The following TCF4 variants were observed in gnomAD, a reference collection of about 807,000 sequenced individuals.
TCF4 encodes the protein transcription factor 4, also known as SL3-3 enhancer factor 2.
Under a neutral mutation model 82.1 loss-of-function variants are expected in TCF4, and 3 were observed. The ratio of observed to expected loss-of-function variants is 0.04; its 90% CI spans 0.02 to 0.09. The LOEUF is 0.09. Among genes scored for constraint, TCF4 ranks in the 10% least tolerant of loss-of-function variants. The pLI is 1.00. For synonymous variants in TCF4, 276 were observed against 309.6 expected (o/e 0.89, Z 1.14); for missense variants, 518 against 852.7 (o/e 0.61, Z 4.89).
chr18:55,414,061 G>A (rs2094445879), intron 5 of TCF4, among the ~76,000 whole-genome samples: 3 of 152,144 alleles, frequency 2.0e-5, no homozygotes, highest in African/African-American at 7.2e-5. Flanking sequence ...ACCCAGAGAA[G>A]CACCAAGAAA....
intron 8 of TCF4, among the ~76,000 whole-genome samples, chr18:55,305,443 T>C (rs1045395844): frequency 6.6e-6 from 1 of 152,174 alleles, no homozygotes; most frequent in African/African-American, 2.4e-5. Context: ...AAGAAATCAC[T>C]ATGAACTAAG....
At chr18:55,417,526 G>T (rs1429629180) in intron 5 of TCF4, among the ~76,000 whole-genome samples, 1 of 152,086 alleles carries the variant, frequency 6.6e-6, no homozygotes, top group Non-Finnish European at 1.5e-5. Context: ...TTTCTTCTGT[G>T]GTTTACTTAT....
rs1164050273 is a variant in TCF4 at position 55,226,877 on chromosome 18, T to C, written c.*1158A>G. On this transcript the variant is annotated 3_prime_UTR_variant, in exon 20 of 20. Transcript: ENST00000354452. ...TCGGCTACACAGGTAGGTAACACTT[T>C]AATCATTTTGTTAAATCACAGCCAC... is the stretch of plus-strand genomic sequence containing the variant. 1 of 152,650 alleles carries C rather than the reference T, an allele frequency of 6.6e-6. No homozygotes were observed. The highest frequency in any genetic ancestry group is 6.5e-5 in the Admixed American group (1 of 15,284). The allele number at this position is 152,650 out of a possible 1,614,324, so 9.5% of individuals were successfully genotyped here. A position where few individuals can be genotyped will look rare whatever the true frequency, so the allele number is the denominator to read the frequency against.
chr18:55,486,678 C>T (rs549633611), intron 3 of TCF4, among the ~76,000 whole-genome samples: 1 of 152,114 alleles, frequency 6.6e-6, no homozygotes, highest in African/African-American at 2.4e-5. Context: ...CAAGGTGTGG[C>T]CAGAGAACAG....
intron 3 of TCF4, among the ~76,000 whole-genome samples, chr18:55,574,926 T>A (rs1439699112): frequency 6.6e-6 from 1 of 152,160 alleles, no homozygotes; most frequent in Non-Finnish European, 1.5e-5. Flanking sequence ...GAAAAAATAA[T>A]AAGAACATGG....
At chr18:55,381,925 T>TAAA (rs556808034) in intron 6 of TCF4, among the ~76,000 whole-genome samples, 9,377 of 150,712 alleles carry the variant, frequency 0.062, 549 homozygotes, top group African/African-American at 0.15. Context: ...TTTTTTTTTT[T>TAAA]AAAAAAGGAA....
intron 17 of TCF4, chr18:55,230,894 G>A (rs958912862): frequency 1.3e-5 from 2 of 152,220 alleles, no homozygotes; most frequent in Non-Finnish European, 2.9e-5. Flanking sequence ...CGTAAGTCAA[G>A]AACACTTGGG....
At position 55,224,619 on chromosome 18, in the gene TCF4, C is replaced by T. The variant is rs539172065; in HGVS notation, c.*3416G>A. 2.0e-5 allele frequency: 3 copies of T among 151,972 alleles called. No homozygotes were observed. The South Asian group carries it at 6.2e-4, about 32-fold the overall frequency. The allele number at this position is 151,972 out of a possible 1,614,324, so 9.4% of individuals were successfully genotyped here. A position where few individuals can be genotyped will look rare whatever the true frequency, so the allele number is the denominator to read the frequency against. Reference sequence around the variant, plus strand: ...CCCTCCCCACTCCCCAACCCCTCATCAAAATCAAGATCACAAATAAAAAAA... The same window carrying T: ...CCCTCCCCACTCCCCAACCCCTCATTAAAATCAAGATCACAAATAAAAAAA... On this transcript the variant is annotated 3_prime_UTR_variant, in exon 20 of 20. Transcript: ENST00000354452.
intron 15 of TCF4, among the ~76,000 whole-genome samples, chr18:55,249,132 T>C (rs1445213210): frequency 2.0e-5 from 3 of 152,114 alleles, no homozygotes; most frequent in African/African-American, 4.8e-5. Context: ...AGAAGGGCAA[T>C]GGGCTGATTT....
At chr18:55,313,505 A>C (rs938943086) in intron 8 of TCF4, among the ~76,000 whole-genome samples, 1 of 152,144 alleles carries the variant, frequency 6.6e-6, no homozygotes, top group Non-Finnish European at 1.5e-5. Flanking sequence ...TCCAAATTTA[A>C]TGTCATTACG....
At chr18:55,285,906 G>C (rs1214915587) in intron 8 of TCF4, among the ~76,000 whole-genome samples, 2 of 152,170 alleles carry the variant, frequency 1.3e-5, no homozygotes, top group African/African-American at 4.8e-5. Flanking sequence ...ATGAATGGCA[G>C]GATACTGGTA....
intron 2 of TCF4, among the ~76,000 whole-genome samples, chr18:55,612,300 G>T (rs147040281): frequency 1.1e-3 from 161 of 152,148 alleles, no homozygotes; most frequent in African/African-American, 2.9e-3. Flanking sequence ...CGGGATATGA[G>T]GGGGGAGAGT....
rs907674689 is a variant in TCF4 at position 55,353,179 on chromosome 18, A to G, written c.370-2176T>C. On this transcript the variant is annotated intron_variant, in intron 6 of 19. Transcript: ENST00000354452. The stretch of plus-strand genomic sequence containing the variant: ...TTAAATGCATTCAAGGGGTCAACCT[A>G]AAAACACACACTTGCTATACTGTCT... 4.1e-4 allele frequency among the ~76,000 whole-genome samples: 62 copies of G among 152,202 alleles called. 1 individual carries two copies. Among genetic ancestry groups the G allele is most frequent in the Non-Finnish European group, 7.4e-5 (5 of 68,022 alleles).
intron 8 of TCF4, among the ~76,000 whole-genome samples, chr18:55,288,356 T>C (rs1233222080): frequency 6.6e-6 from 1 of 152,214 alleles, no homozygotes; most frequent in Non-Finnish European, 1.5e-5. Context: ...TTTGCTTACA[T>C]ACTAATCCTA....
At chr18:55,302,692 C>G (rs2068710050) in intron 8 of TCF4, 2 of 1,329,816 alleles carry the variant, frequency 1.5e-6, no homozygotes, top group Admixed American at 2.4e-5. Flanking sequence ...AGGATGAGAC[C>G]GGGAGGAGGG....
At chr18:55,257,969 A>C (rs939611824) in intron 13 of TCF4, among the ~76,000 whole-genome samples, 1 of 152,216 alleles carries the variant, frequency 6.6e-6, no homozygotes, top group African/African-American at 2.4e-5. Context: ...TTAAACTTGA[A>C]GGTAAAAAAA....
intron 5 of TCF4, among the ~76,000 whole-genome samples, chr18:55,409,773 T>C (rs1189629123): frequency 6.6e-6 from 1 of 152,234 alleles, no homozygotes; most frequent in African/African-American, 2.4e-5. Context: ...TTGGCTTATA[T>C]GTCTTACGGT....
chr18:55,310,598 C>T (rs1363618446), intron 8 of TCF4, among the ~76,000 whole-genome samples: 8 of 152,180 alleles, frequency 5.3e-5, no homozygotes, highest in Admixed American at 4.6e-4. Flanking sequence ...AGGAGAAGCG[C>T]AGCAGTGGCA....
At position 55,224,660 on chromosome 18, in the gene TCF4, G is replaced by A. The variant is rs2046357470; in HGVS notation, c.*3375C>T. The A allele has an allele frequency of 2.0e-5, 3 of 152,426 alleles. No homozygotes were observed. The South Asian group carries it at 6.2e-4, about 32-fold the overall frequency. 9.4% of individuals were successfully genotyped at this position (152,426 alleles called of 1,614,324 possible). A position where few individuals can be genotyped will look rare whatever the true frequency, so the allele number is the denominator to read the frequency against. ...AATAAAAAAAAAAATTCAGAAATAG[G>A]AAAAAGTGAAAAATAAAAAGGAATC... On this transcript the variant is annotated 3_prime_UTR_variant, in exon 20 of 20. Transcript: ENST00000354452.
Sources: allele counts gnomAD v4.1 joint callset (sites outside exome capture counted in the v4.1 genomes callset), GRCh38; gene constraint gnomAD v4.1.1; transcripts MANE v1.5; gene names NCBI Gene and HGNC (gene_info 2026-07-23, HGNC 2026-07-21).